The following TNRC6B variants were observed in gnomAD, a reference collection of about 807,000 sequenced individuals.
TNRC6B encodes the protein trinucleotide repeat containing adaptor 6B.
TNRC6B carries 52 observed loss-of-function variants against 203.6 expected under a neutral mutation model. That is an observed-to-expected ratio of 0.26 (90% CI 0.20 to 0.32). The LOEUF is 0.32. Among genes scored for constraint, TNRC6B ranks in the 10% least tolerant of loss-of-function variants. The pLI is 1.00. For missense variants in TNRC6B, 1,923 were observed against 2,286.2 expected, an observed-to-expected ratio of 0.84 and a Z score of 3.24; for synonymous variants, 838 against 845.7, an observed-to-expected ratio of 0.99 and a Z score of 0.16.
chr22:40,307,809 C>T (rs2071109605), intron 15 of TNRC6B, among the ~76,000 whole-genome samples: 1 of 152,140 alleles, frequency 6.6e-6, no homozygotes, highest in African/African-American at 2.4e-5. Context: ...CAATTCTCTT[C>T]CTAAAATACA....
In TNRC6B at chr22:40,326,386, A is replaced by T. The variant is rs2071402680; in HGVS notation, c.*3145A>T. 1 of 152,634 alleles carries T rather than the reference A, an allele frequency of 6.6e-6. No individual in the cohort carries two copies. The highest frequency in any genetic ancestry group is 6.5e-5 in the Admixed American group (1 of 15,280). 9.5% of individuals were successfully genotyped at this position (152,634 alleles called of 1,614,324 possible). ...CACACATTTTAAAACACATAGAAATATTTTTTAAAAATTATCAATTTAGCA... is the reference window on the plus strand; with the variant it reads ...CACACATTTTAAAACACATAGAAATTTTTTTTAAAAATTATCAATTTAGCA... On this transcript the variant is annotated 3_prime_UTR_variant, in exon 23 of 23. Coordinates refer to ENST00000454349, the MANE Select transcript of TNRC6B (RefSeq NM_001162501.2).
chr22:40,251,825 G>A (rs1180024903), intron 3 of TNRC6B, among the ~76,000 whole-genome samples: 1 of 152,106 alleles, frequency 6.6e-6, no homozygotes, highest in African/African-American at 2.4e-5. Flanking sequence ...TTTACAGATG[G>A]GAATTACAGC....
At chr22:40,230,530 G>C (rs908491539) in intron 1 of TNRC6B, among the ~76,000 whole-genome samples, 3 of 151,932 alleles carry the variant, frequency 2.0e-5, no homozygotes, top group African/African-American at 7.3e-5. Flanking sequence ...GACCTCAAGT[G>C]ATCCACTCAC....
rs182616211 is a variant in TNRC6B, at chr22:40,245,922, C to T, written c.6-93C>T. Reference sequence around the variant, plus strand: ...CTATTCAGTCACAGAGATGAAATGTCGTCTTGCCCACCACTTACAAGCATT... The same window carrying T: ...CTATTCAGTCACAGAGATGAAATGTTGTCTTGCCCACCACTTACAAGCATT... On this transcript the variant is annotated intron_variant, in intron 1 of 22. Transcript: ENST00000454349. The T allele has an allele frequency of 2.1e-4, 172 of 834,920 alleles. 1 individual carries two copies. The highest frequency in any genetic ancestry group is 8.3e-4 in the Admixed American group (26 of 31,292). The allele number at this position is 834,920 out of a possible 1,614,324, so 51.7% of individuals were successfully genotyped here.
chr22:40,253,907 A>G (rs1292304596), intron 3 of TNRC6B, among the ~76,000 whole-genome samples: 1 of 152,124 alleles, frequency 6.6e-6, no homozygotes, highest in Non-Finnish European at 1.5e-5. Context: ...TCTGCCCTTC[A>G]CTCTGAATCT....
At chr22:40,183,138 C>T (rs529970163) in intron 1 of TNRC6B, among the ~76,000 whole-genome samples, 1 of 152,218 alleles carries the variant, frequency 6.6e-6, no homozygotes, top group Admixed American at 6.5e-5. Flanking sequence ...CACTGTGTGA[C>T]GATGGTAGGC....
At chr22:40,071,532 A>G (rs1300824350) in intron 1 of TNRC6B, among the ~76,000 whole-genome samples, 1 of 152,212 alleles carries the variant, frequency 6.6e-6, no homozygotes, top group Non-Finnish European at 1.5e-5. Flanking sequence ...CCATAAGGGA[A>G]TATATACTTA....
rs936279515 is a variant in TNRC6B, at chr22:40,325,463, A to G, written c.*2222A>G. On this transcript the variant is annotated 3_prime_UTR_variant, in exon 23 of 23. Transcript: ENST00000454349. ...GCATGACTCAAGTGAGTGTTCACAT[A>G]TACAAGCCTGCATGAGCCCTCTGTG... The G allele has an allele frequency of 6.6e-6, 1 of 152,532 alleles. No individual in the cohort carries two copies. The highest frequency in any genetic ancestry group is 1.5e-5 in the Non-Finnish European group (1 of 68,044). 9.4% of individuals were successfully genotyped at this position (152,532 alleles called of 1,614,324 possible). A position where few individuals can be genotyped will look rare whatever the true frequency, so the allele number is the denominator to read the frequency against.
Position 40,312,486 on chromosome 22 carries a change from T to C in TNRC6B, c.4436-19T>C. On this transcript the variant is annotated intron_variant, in intron 17 of 22. Transcript: ENST00000454349. The stretch of plus-strand genomic sequence containing the variant: ...TTTTAACGACCTTCCTTCTCTAATA[T>C]TTGTTTTCCTTGTCTCAGAATTCCA... The C allele has an allele frequency of 6.3e-7, 1 of 1,598,940 alleles. No homozygotes were observed. Among genetic ancestry groups the C allele is most frequent in the Non-Finnish European group, 8.5e-7 (1 of 1,174,756 alleles).
chr22:40,221,761 C>CCCT (rs11407329), intron 1 of TNRC6B, among the ~76,000 whole-genome samples: 43 of 134,276 alleles, frequency 3.2e-4, no homozygotes, highest in African/African-American at 7.2e-4. Flanking sequence ...GCCCCCCCCC[C>CCCT]TTTTTTTTTT....
At chr22:40,303,991 G>T in intron 15 of TNRC6B, among the ~76,000 whole-genome samples, 1 of 152,032 alleles carries the variant, frequency 6.6e-6, no homozygotes, top group East Asian at 1.9e-4. Context: ...AGTTAGATTT[G>T]GCTGCCTGTT....
At chr22:40,066,776 A>T (rs1765710394) in intron 1 of TNRC6B, among the ~76,000 whole-genome samples, 1 of 152,106 alleles carries the variant, frequency 6.6e-6, no homozygotes, top group Admixed American at 6.5e-5. Context: ...TATTTAAGAA[A>T]GCTTGGTTTT....
chr22:40,264,247 A>T (rs948062542), intron 4 of TNRC6B, among the ~76,000 whole-genome samples: 2 of 152,204 alleles, frequency 1.3e-5, no homozygotes, highest in African/African-American at 4.8e-5. Flanking sequence ...TCTTGATGAC[A>T]TTCGAGGCCA....
At chr22:40,105,388 T>C (rs976355832) in intron 1 of TNRC6B, among the ~76,000 whole-genome samples, 1 of 152,318 alleles carries the variant, frequency 6.6e-6, no homozygotes, top group African/African-American at 2.4e-5. Context: ...AATAGAACAT[T>C]ATAGCGGCCC....
intron 1 of TNRC6B, among the ~76,000 whole-genome samples, chr22:40,181,468 C>A (rs1297111028): frequency 6.6e-6 from 1 of 152,214 alleles, no homozygotes; most frequent in Non-Finnish European, 1.5e-5. Flanking sequence ...CTGGACACAG[C>A]CCTGAGGCAA....
At chr22:40,313,184 A>G (rs1054829359) in intron 19 of TNRC6B, among the ~76,000 whole-genome samples, 187 bp downstream of exon 19, 1 of 152,204 alleles carries the variant, frequency 6.6e-6, no homozygotes, top group Non-Finnish European at 1.5e-5. Context: ...CTCAGGAAGG[A>G]TGAGCCAGAT....
At chr22:40,316,384 G>A (rs539648904) in intron 21 of TNRC6B, among the ~76,000 whole-genome samples, 26 of 151,342 alleles carry the variant, frequency 1.7e-4, no homozygotes, top group Middle Eastern at 3.4e-3. Flanking sequence ...AAGAGGTAAA[G>A]ATGGGGGTTG....
intron 4 of TNRC6B, among the ~76,000 whole-genome samples, chr22:40,156,913 TACAGTTGCCCGCCACC>T (rs1281828640): frequency 6.6e-6 from 1 of 150,862 alleles, no homozygotes; most frequent in Non-Finnish European, 1.5e-5. Flanking sequence ...TGGCGGGGAC[TACAGTTGCCCGCCACC>T]ACACCTAGCT....
Position 40,285,647 on chromosome 22 carries a change from C to T in TNRC6B, c.3585C>T (p.Gly1195=), listed in dbSNP as rs1362355539. ...TACTGCTGCTTTTCTGTTTACAGGG[C>T]GGTAGTCATGGTTTGTTTGGAAACA... ...LNPQNFAARQ[G]GSHGLFGNST... Residue 1195 remains glycine, a splice_region_variant and synonymous_variant, in exon 12 of 23, where the codon GGC becomes GGT. Transcript: ENST00000454349. 22 of 1,611,794 alleles carry T rather than the reference C, an allele frequency of 1.4e-5. No homozygotes were observed. Among genetic ancestry groups the T allele is most frequent in the Non-Finnish European group, 1.6e-5 (19 of 1,179,412 alleles).
Sources: allele counts gnomAD v4.1 joint callset (sites outside exome capture counted in the v4.1 genomes callset), GRCh38; gene constraint gnomAD v4.1.1; transcripts MANE v1.5; gene names NCBI Gene and HGNC (gene_info 2026-07-23, HGNC 2026-07-21).